The following ITPR1 variants were observed in gnomAD, a reference collection of about 807,000 sequenced individuals.
The protein encoded by ITPR1 is inositol 1,4,5-trisphosphate receptor type 1, also known as inositol 1,4,5-trisphosphate-gated calcium channel ITPR1.
Under a neutral mutation model 318.4 loss-of-function variants are expected in ITPR1, and 96 were observed. That is an observed-to-expected ratio of 0.30 (90% CI 0.26 to 0.36). The LOEUF (loss-of-function observed/expected upper bound fraction) is 0.36, where lower values mean the gene tolerates loss of function less well. Among genes scored for constraint, ITPR1 ranks in the 10% least tolerant of loss-of-function variants. The pLI is 1.00. For missense variants in ITPR1, 2,440 were observed against 3,460.2 expected, an observed-to-expected ratio of 0.71 and a Z score of 7.40; for synonymous variants, 1,312 against 1,289.9, an observed-to-expected ratio of 1.02 and a Z score of -0.37.
chr3:4,606,612 G>A (rs532377862), intron 4 of ITPR1, among the ~76,000 whole-genome samples: 1 of 152,124 alleles, frequency 6.6e-6, no homozygotes, highest in Non-Finnish European at 1.5e-5. Context: ...CATGTTGCAA[G>A]GGAAAAGGAG....
rs576833142 is a variant in ITPR1 at position 4,662,388 on chromosome 3, C to T, written c.1412+146C>T. ...ATTTATGGGTGGCTTCAATGTGTAA[C>T]TTTTAAGAAATAGTACTTTTGCATT... On this transcript the variant is annotated intron_variant, in intron 15 of 61. Transcript: ENST00000649015. 79 of 599,018 alleles carry T rather than the reference C, an allele frequency of 1.3e-4. 2 individuals carry two copies. In the South Asian group the frequency reaches 3.1e-3, roughly 23 times the overall value. 37.1% of individuals were successfully genotyped at this position (599,018 alleles called of 1,614,324 possible).
At chr3:4,558,886 G>A (rs570988089) in intron 4 of ITPR1, among the ~76,000 whole-genome samples, 120 of 151,200 alleles carry the variant, frequency 7.9e-4, no homozygotes, top group African/African-American at 1.1e-3. Flanking sequence ...ATTTGACCCC[G>A]GATACTTCCA....
chr3:4,738,155 C>T (rs1238284726), intron 44 of ITPR1, among the ~76,000 whole-genome samples: 1 of 151,952 alleles, frequency 6.6e-6, no homozygotes, highest in Non-Finnish European at 1.5e-5. Context: ...GTGATAAACC[C>T]CAGTGACACA....
chr3:4,673,125 C>T lies in ITPR1; in HGVS notation c.2205-11C>T, dbSNP rs1021212411. 1.1e-5 allele frequency: 17 copies of T among 1,609,216 alleles called. No homozygotes were observed. The highest frequency in any genetic ancestry group is 1.3e-5 in the Non-Finnish European group (15 of 1,176,566). On this transcript the variant is annotated splice_polypyrimidine_tract_variant and intron_variant, in intron 20 of 61. Coordinates refer to ENST00000649015, the MANE Select transcript of ITPR1 (RefSeq NM_001378452.1). ...GGAGCGTGAGCTGTGTGCCCTTGTT[C>T]CTTCCTCTAGATATCAGCTGAACCT...
chr3:4,563,993 G>A (rs1478045410), intron 4 of ITPR1, among the ~76,000 whole-genome samples: 2 of 151,828 alleles, frequency 1.3e-5, no homozygotes, highest in Non-Finnish European at 2.9e-5. Context: ...CCAGACTGGA[G>A]TGTAGTGGCG....
Position 4,493,579 on chromosome 3 carries a change from A to C in ITPR1, c.-119A>C, listed in dbSNP as rs2080304123. ...CCCCTCTCCTCGCCCTGCTCCCCCAAACCGGCGTGGCTCCCCGGGCACCAA... is the reference window on the plus strand; with the variant it reads ...CCCCTCTCCTCGCCCTGCTCCCCCACACCGGCGTGGCTCCCCGGGCACCAA... On this transcript the variant is annotated 5_prime_UTR_variant, in exon 1 of 62. Coordinates refer to ENST00000649015, the MANE Select transcript of ITPR1 (RefSeq NM_001378452.1). The C allele has an allele frequency of 6.5e-6, 1 of 152,672 alleles. No individual in the cohort carries two copies. The highest frequency in any genetic ancestry group is 1.5e-5 in the Non-Finnish European group (1 of 68,138). The allele number at this position is 152,672 out of a possible 1,614,324, so 9.5% of individuals were successfully genotyped here. A position where few individuals can be genotyped will look rare whatever the true frequency, so the allele number is the denominator to read the frequency against.
intron 44 of ITPR1, among the ~76,000 whole-genome samples, chr3:4,754,079 A>G (rs374962775): frequency 1.4e-5 from 2 of 146,800 alleles, no homozygotes; most frequent in Admixed American, 6.8e-5. Flanking sequence ...TATTCTTGGC[A>G]TCTGTATAAA....
chr3:4,563,439 A>T (rs1235137277), intron 4 of ITPR1, among the ~76,000 whole-genome samples: 3 of 152,078 alleles, frequency 2.0e-5, no homozygotes, highest in African/African-American at 7.2e-5. Context: ...AGCCTGGGAG[A>T]TCGAGGCTGC....
At chr3:4,613,295 G>T (rs866879195) in intron 4 of ITPR1, among the ~76,000 whole-genome samples, 3 of 152,298 alleles carry the variant, frequency 2.0e-5, no homozygotes, top group Middle Eastern at 3.4e-3. Context: ...AACAATAGGG[G>T]AGAGGAAGCA....
intron 3 of ITPR1, among the ~76,000 whole-genome samples, chr3:4,519,017 A>G (rs2082361436): frequency 6.6e-6 from 1 of 152,172 alleles, no homozygotes; most frequent in Admixed American, 6.5e-5. Context: ...ATTTGGAAAC[A>G]ATAAGTCTGA....
At chr3:4,808,207 C>A (rs1488383098) in intron 55 of ITPR1, among the ~76,000 whole-genome samples, 1 of 152,244 alleles carries the variant, frequency 6.6e-6, no homozygotes. Context: ...CTTCTCTACA[C>A]ACTCTCACTA....
rs576359320 is a variant in ITPR1 at position 4,706,464 on chromosome 3, G to A, written c.4842+113G>A. On this transcript the variant is annotated intron_variant, in intron 37 of 61. Coordinates refer to ENST00000649015, the MANE Select transcript of ITPR1 (RefSeq NM_001378452.1). ...CTAAGCTGGGCCGTGGGAAGATGTC[G>A]GTGTGCTGAACGAATAGTCAAATGT... The A allele has an allele frequency of 1.3e-4, 116 of 921,788 alleles. No homozygotes were observed. The South Asian group carries it at 1.8e-3, about 15-fold the overall frequency. 57.1% of individuals were successfully genotyped at this position (921,788 alleles called of 1,614,324 possible).
At chr3:4,693,767 C>G in intron 33 of ITPR1, 26 bp downstream of exon 33, 2 of 1,596,418 alleles carry the variant, frequency 1.3e-6, no homozygotes, top group Non-Finnish European at 1.7e-6. Context: ...CTGGCTGTGC[C>G]CTTCTCGTTG....
chr3:4,716,627 T>C (rs1383208032), intron 39 of ITPR1, among the ~76,000 whole-genome samples: 2 of 152,226 alleles, frequency 1.3e-5, no homozygotes, highest in Non-Finnish European at 2.9e-5. Context: ...TTCCAGCTAC[T>C]AGTGTTTCTG....
At chr3:4,646,216 G>C (rs990258825) in intron 10 of ITPR1, among the ~76,000 whole-genome samples, 1 of 152,204 alleles carries the variant, frequency 6.6e-6, no homozygotes, top group African/African-American at 2.4e-5. Context: ...CAGATAACTG[G>C]AACACACAAG....
chr3:4,547,407 A>ATG (rs2085127762), intron 4 of ITPR1, among the ~76,000 whole-genome samples: 1 of 152,218 alleles, frequency 6.6e-6, no homozygotes, highest in Non-Finnish European at 1.5e-5. Context: ...CGTTCTTCAC[A>ATG]TGTGTCTTGT....
At chr3:4,523,637 CT>C (rs2082738992) in intron 4 of ITPR1, among the ~76,000 whole-genome samples, 1 of 152,166 alleles carries the variant, frequency 6.6e-6, no homozygotes, top group Non-Finnish European at 1.5e-5. Flanking sequence ...GGAGTTCAAT[CT>C]TTTTAGATTC....
At chr3:4,709,199 A>C (rs79777110) in intron 37 of ITPR1, among the ~76,000 whole-genome samples, 1,767 of 152,158 alleles carry the variant, frequency 0.012, 32 homozygotes, top group African/African-American at 0.04. Flanking sequence ...CCCTTTTTTG[A>C]CTGTGCTGTG....
At chr3:4,791,016 A>G (rs2047520729) in intron 52 of ITPR1, among the ~76,000 whole-genome samples, 6 of 152,180 alleles carry the variant, frequency 3.9e-5, no homozygotes, top group Admixed American at 6.5e-5. Flanking sequence ...GAATGTGCTG[A>G]CACTTTCTTG....
Sources: gnomAD v4.1 joint callset for allele counts (sites outside exome capture counted in the v4.1 genomes callset) on GRCh38, gnomAD v4.1.1 for gene constraint, MANE v1.5 for transcripts, NCBI Gene and HGNC (gene_info 2026-07-23, HGNC 2026-07-21) for gene names.